The following FOXO3 variants were observed in gnomAD, a reference collection of about 807,000 sequenced individuals.
The protein encoded by FOXO3 is forkhead box protein O3.
Under a neutral mutation model 41.9 loss-of-function variants are expected in FOXO3, and 4 were observed. The observed-to-expected ratio is 0.10, with a 90% CI of 0.05 to 0.22. FOXO3 has a LOEUF of 0.22. Among genes scored for constraint, FOXO3 ranks in the 10% least tolerant of loss-of-function variants. The pLI is 1.00. For missense variants in FOXO3, 534 were observed against 906.8 expected (o/e 0.59, Z 5.28); for synonymous variants, 318 against 389.3 (o/e 0.82, Z 2.16).
intron 1 of FOXO3, among the ~76,000 whole-genome samples, chr6:108,629,513 A>G (rs1169863308): frequency 2.6e-5 from 4 of 152,056 alleles, no homozygotes; most frequent in African/African-American, 9.7e-5. Flanking sequence ...CACTATGTTG[A>G]ACTTTTTTGG....
At chr6:108,602,333 A>G (rs1252262484) in intron 1 of FOXO3, among the ~76,000 whole-genome samples, 4 of 152,176 alleles carry the variant, frequency 2.6e-5, no homozygotes, top group Non-Finnish European at 5.9e-5. Flanking sequence ...GCCAACACAG[A>G]GCATTATTAC....
intron 1 of FOXO3, among the ~76,000 whole-genome samples, chr6:108,636,014 G>C (rs1375566096): frequency 2.6e-5 from 4 of 152,198 alleles, no homozygotes; most frequent in Non-Finnish European, 4.4e-5. Flanking sequence ...CAGTCTTCCC[G>C]CACAAAGCGG....
chr6:108,645,941 G>A (rs1475370725), intron 1 of FOXO3, among the ~76,000 whole-genome samples: 4 of 152,136 alleles, frequency 2.6e-5, no homozygotes, highest in African/African-American at 9.7e-5. Context: ...AAATAGAATT[G>A]TTGAGTTATC....
intron 1 of FOXO3, among the ~76,000 whole-genome samples, chr6:108,628,818 A>G (rs1182675843): frequency 1.3e-5 from 2 of 152,118 alleles, no homozygotes; most frequent in Non-Finnish European, 2.9e-5. Context: ...AAGACAAAAA[A>G]TGGGAAGAAT....
chr6:108,604,051 C>T (rs1777125326), intron 1 of FOXO3, among the ~76,000 whole-genome samples: 1 of 152,118 alleles, frequency 6.6e-6, no homozygotes, highest in Admixed American at 6.6e-5. Flanking sequence ...ATCCTGCAAA[C>T]AACTGCAGCC....
At position 108,561,720 on chromosome 6, in the gene FOXO3, A is replaced by C; in HGVS notation, c.512A>C (p.Glu171Ala). 6.2e-7 allele frequency: 1 copy of C among 1,611,618 alleles called. No homozygotes were observed. Among genetic ancestry groups the C allele is most frequent in the Non-Finnish European group, 8.5e-7 (1 of 1,179,178 alleles). Residue 171 changes from glutamate to alanine, a missense_variant, in exon 1 of 3, where the codon GAG (glutamate) becomes GCG (alanine). Coordinates refer to ENST00000406360, the MANE Select transcript of FOXO3 (RefSeq NM_001455.4). Reference protein sequence around the residue: ...SYADLITRAIESSPDKRLTLS... With the variant: ...SYADLITRAIASSPDKRLTLS... Reference sequence around the variant, plus strand: ...GCGGACCTGATCACCCGCGCCATCGAGAGCTCCCCGGACAAACGGCTCACT... The same window carrying C: ...GCGGACCTGATCACCCGCGCCATCGCGAGCTCCCCGGACAAACGGCTCACT...
intron 1 of FOXO3, chr6:108,618,033 G>A (rs1467571485): frequency 1.2e-5 from 8 of 671,914 alleles, no homozygotes; most frequent in African/African-American, 5.3e-5. Context: ...GTTGGAACAC[G>A]TCAATCGTAT....
At chr6:108,640,763 A>G (rs889240166) in intron 1 of FOXO3, among the ~76,000 whole-genome samples, 3 of 152,076 alleles carry the variant, frequency 2.0e-5, no homozygotes, top group African/African-American at 7.2e-5. Context: ...TACTGCTTTG[A>G]TCTTGCCCTT....
intron 1 of FOXO3, among the ~76,000 whole-genome samples, chr6:108,596,382 G>GAAAAA (rs61683111): frequency 1.0e-4 from 6 of 58,280 alleles, no homozygotes; most frequent in Non-Finnish European, 1.8e-4. Flanking sequence ...TGGCCTAAAT[G>GAAAAA]AAAAAAAAAA....
At chr6:108,609,231 C>T (rs1183914693) in intron 1 of FOXO3, among the ~76,000 whole-genome samples, 1 of 152,166 alleles carries the variant, frequency 6.6e-6, no homozygotes, top group African/African-American at 2.4e-5. Context: ...ACCTTACTCC[C>T]CAAATAAATG....
At position 108,565,207 on chromosome 6, in the gene FOXO3, T is replaced by C. The variant is rs142025813; in HGVS notation, c.621+3378T>C. Among the ~76,000 whole-genome samples the C allele has an allele frequency of 1.3e-3, 204 of 152,304 alleles. 3 individuals carry two copies. Among genetic ancestry groups the C allele is most frequent in the South Asian group, 1.7e-3 (8 of 4,830 alleles). On this transcript the variant is annotated intron_variant, in intron 1 of 2. Transcript: ENST00000406360. The stretch of plus-strand genomic sequence containing the variant: ...TGTCAGTAGGGGTACTTAGGAACTA[T>C]GAAGTGATAAAAGAGGTAAGAAGGA...
At position 108,680,921 on chromosome 6, in the gene FOXO3, C is replaced by T. The variant is rs546413951; in HGVS notation, c.*1129C>T. 6 of 152,586 alleles carry T rather than the reference C, an allele frequency of 3.9e-5. No homozygotes were observed. Among genetic ancestry groups the T allele is most frequent in the Non-Finnish European group, 8.8e-5 (6 of 68,032 alleles). 9.5% of individuals were successfully genotyped at this position (152,586 alleles called of 1,614,324 possible). On this transcript the variant is annotated 3_prime_UTR_variant, in exon 3 of 3. Coordinates refer to ENST00000406360, the MANE Select transcript of FOXO3 (RefSeq NM_001455.4). ...ATACACATCCTTGATTATTTTCAGC[C>T]TTGCTATATAATCTGATCTGCTAGA...
At chr6:108,642,559 A>C (rs1329148070) in intron 1 of FOXO3, among the ~76,000 whole-genome samples, 1 of 152,200 alleles carries the variant, frequency 6.6e-6, no homozygotes, top group Non-Finnish European at 1.5e-5. Flanking sequence ...TGTAGTTTAG[A>C]AGGTCAATTA....
chr6:108,625,423 G>A (rs1482005960), intron 1 of FOXO3, among the ~76,000 whole-genome samples: 1 of 152,066 alleles, frequency 6.6e-6, no homozygotes, highest in Non-Finnish European at 1.5e-5. Context: ...GAAAACTAGT[G>A]CAAATTCTAG....
At chr6:108,661,603 G>T (rs1285567337) in intron 1 of FOXO3, among the ~76,000 whole-genome samples, 1 of 152,150 alleles carries the variant, frequency 6.6e-6, no homozygotes, top group Non-Finnish European at 1.5e-5. Flanking sequence ...AGCATGACTG[G>T]CTTCTGAAAT....
intron 1 of FOXO3, among the ~76,000 whole-genome samples, chr6:108,615,521 A>T (rs1777472837): frequency 6.7e-6 from 1 of 148,368 alleles, no homozygotes. Context: ...TTTTTGTATC[A>T]CTGGTTTTTA....
At chr6:108,585,277 T>G (rs1245955589) in intron 1 of FOXO3, among the ~76,000 whole-genome samples, 1 of 151,978 alleles carries the variant, frequency 6.6e-6, no homozygotes, top group African/African-American at 2.4e-5. Context: ...TCTCCTGACC[T>G]CGTGATCCAC....
chr6:108,585,203 G>A (rs948992308), intron 1 of FOXO3, among the ~76,000 whole-genome samples: 4 of 151,952 alleles, frequency 2.6e-5, no homozygotes, highest in Admixed American at 1.3e-4. Flanking sequence ...CACCGCGCCC[G>A]GCTAATTTTT....
At chr6:108,580,381 T>C (rs1430480502) in intron 1 of FOXO3, among the ~76,000 whole-genome samples, 1 of 152,046 alleles carries the variant, frequency 6.6e-6, no homozygotes, top group Non-Finnish European at 1.5e-5. Context: ...TTTCACTATG[T>C]TGGCCAGGCT....
Sources: allele counts gnomAD v4.1 joint callset (sites outside exome capture counted in the v4.1 genomes callset), GRCh38; gene constraint gnomAD v4.1.1; transcripts MANE v1.5; gene names NCBI Gene and HGNC (gene_info 2026-07-23, HGNC 2026-07-21).